Variants in DNMT1 observed in about 807,000 individuals in gnomAD.
DNMT1 encodes DNA (cytosine-5)-methyltransferase 1.
Under a neutral mutation model 205.3 loss-of-function variants are expected in DNMT1, and 24 were observed. The ratio of observed to expected loss-of-function variants is 0.12; its 90% confidence interval spans 0.08 to 0.16. The LOEUF is 0.16. Among genes scored for constraint, DNMT1 ranks in the 10% least tolerant of loss-of-function variants. The pLI is 1.00. For synonymous variants in DNMT1, 817 were observed against 839.8 expected (o/e 0.97, Z 0.47); for missense variants, 1,293 against 2,177.7 (o/e 0.59, Z 8.09).
In DNMT1 at chr19:10,186,308, G is replaced by A. The variant is rs2039179091; in HGVS notation, c.81-4231C>T. ...AACCTGCCTGGCCCCAGAGTGGCAG[G>A]TGGGATCCCAGGCAGGCAGTGAGGA... On this transcript the variant is annotated intron_variant, in intron 1 of 40. Coordinates refer to ENST00000359526, the MANE Select transcript of DNMT1 (RefSeq NM_001130823.3). 2.6e-5 allele frequency among the ~76,000 whole-genome samples: 4 copies of A among 152,166 alleles called. No individual in the cohort carries two copies. In the South Asian group the frequency reaches 8.3e-4, roughly 31 times the overall value.
At chr19:10,155,399 G>A (rs1056261691) in intron 19 of DNMT1, among the ~76,000 whole-genome samples, 1 of 151,814 alleles carries the variant, frequency 6.6e-6, no homozygotes, top group Non-Finnish European at 1.5e-5. Context: ...GGGCAGTGGC[G>A]TGATCTCGGC....
intron 1 of DNMT1, among the ~76,000 whole-genome samples, chr19:10,185,870 T>C (rs984446723): frequency 9.3e-5 from 14 of 151,040 alleles, no homozygotes; most frequent in Non-Finnish European, 1.8e-4. Context: ...AAAGATGCTT[T>C]GACATCAGGA....
At chr19:10,160,191 C>G in intron 14 of DNMT1, 128 bp from the exon 15 acceptor site, 1 of 1,562,056 alleles carries the variant, frequency 6.4e-7, no homozygotes, top group East Asian at 2.3e-5. Context: ...CAGTGAGGCC[C>G]AGGCGCGTGG....
intron 29 of DNMT1, 139 bp from the exon 30 acceptor site, chr19:10,142,359 CCT>C (rs772646020): frequency 7.7e-5 from 92 of 1,192,938 alleles, no homozygotes; most frequent in Non-Finnish European, 1.0e-4. Context: ...GTAAAGACCC[CCT>C]CAGTTAGGGA....
At chr19:10,141,065 C>G in intron 31 of DNMT1, 40 bp downstream of exon 31, 2 of 1,612,382 alleles carry the variant, frequency 1.2e-6, no homozygotes, top group South Asian at 2.2e-5. Flanking sequence ...CTCCAAGTTA[C>G]AGAAGAATAA....
At chr19:10,188,532 T>G (rs2039238515) in intron 1 of DNMT1, among the ~76,000 whole-genome samples, 1 of 152,146 alleles carries the variant, frequency 6.6e-6, no homozygotes, top group African/African-American at 2.4e-5. Flanking sequence ...AGAGCGAGAC[T>G]CCATCTCAAA....
chr19:10,170,537 G>C (rs2038795172), intron 9 of DNMT1, among the ~76,000 whole-genome samples: 1 of 152,082 alleles, frequency 6.6e-6, no homozygotes, highest in Non-Finnish European at 1.5e-5. Flanking sequence ...CCAGCTACTC[G>C]GGAGGCTAAG....
intron 11 of DNMT1, among the ~76,000 whole-genome samples, chr19:10,164,616 A>AAAACAAAC (rs373485784): frequency 1.3e-5 from 2 of 151,700 alleles, no homozygotes; most frequent in African/African-American, 4.8e-5. Flanking sequence ...TCCTGTCTCA[A>AAAACAAAC]AAACAAACAA....
At chr19:10,172,590 G>A (rs1020447957) in intron 9 of DNMT1, among the ~76,000 whole-genome samples, 1 of 151,928 alleles carries the variant, frequency 6.6e-6, no homozygotes, top group Non-Finnish European at 1.5e-5. Flanking sequence ...TTTGGTGGCT[G>A]AGGCAGGTGG....
Position 10,140,436 on chromosome 19 carries a change from C to G in DNMT1, c.3524-108G>C. 1 of 1,463,612 alleles carries G rather than the reference C, an allele frequency of 6.8e-7. No homozygotes were observed. The highest frequency in any genetic ancestry group is 9.2e-7 in the Non-Finnish European group (1 of 1,083,420). 90.7% of individuals were successfully genotyped at this position (1,463,612 alleles called of 1,614,324 possible). ...CCAGGCTGGAGTGCAGTGGTGTGAT[C>G]TTGGCTCACTGCAAGCTCTGCCTCC... is the stretch of plus-strand genomic sequence containing the variant. On this transcript the variant is annotated intron_variant, in intron 32 of 40. Transcript: ENST00000359526. This position sits in a 1 kb window ranked among gnomAD's most constrained non-coding sequence, Gnocchi z 8.4.
At position 10,149,919 on chromosome 19, in the gene DNMT1, G is replaced by A. The variant is rs142562681; in HGVS notation, c.2315C>T (p.Thr772Ile). ...YYKKVCIDAETLEVGDCVSVI... is the reference protein window; with the variant it reads ...YYKKVCIDAEILEVGDCVSVI... ...AGAGACACAGTCCCCCACTTCCAGG[G>A]TTTCCGCATCAATGCACACCTTCTT... is the stretch of plus-strand genomic sequence containing the variant. Residue 772 changes from threonine to isoleucine, a missense_variant, in exon 25 of 41, where the codon ACC (threonine) becomes ATC (isoleucine). By Grantham distance (89) the Thr-to-Ile change is moderately conservative. Coordinates refer to ENST00000359526, the MANE Select transcript of DNMT1 (RefSeq NM_001130823.3). The A allele has an allele frequency of 1.9e-6, 3 of 1,614,074 alleles. No individual in the cohort carries two copies. Among genetic ancestry groups the A allele is most frequent in the Admixed American group, 1.7e-5 (1 of 59,992 alleles).
At chr19:10,141,920 CA>C in intron 30 of DNMT1, 107 bp downstream of exon 30, 1 of 1,387,334 alleles carries the variant, frequency 7.2e-7, no homozygotes, top group South Asian at 1.4e-5. Flanking sequence ...CCACTTCTTA[CA>C]AAAGCTGAAA....
In DNMT1 at chr19:10,151,353, A is replaced by G. The variant is rs754534256; in HGVS notation, c.2265+45T>C. 1 of 1,606,736 alleles carries G rather than the reference A, an allele frequency of 6.2e-7. No homozygotes were observed. Among genetic ancestry groups the G allele is most frequent in the Non-Finnish European group, 8.5e-7 (1 of 1,179,956 alleles). Reference sequence around the variant, plus strand: ...CGAGATACTAGAGGGCAACCTGCTTATTGGGAACATGGCAGTGAGCTGACC... The same window carrying G: ...CGAGATACTAGAGGGCAACCTGCTTGTTGGGAACATGGCAGTGAGCTGACC... On this transcript the variant is annotated intron_variant, in intron 24 of 40. Coordinates refer to ENST00000359526, the MANE Select transcript of DNMT1 (RefSeq NM_001130823.3). The surrounding 1 kb of genome is among the most constrained non-coding windows in gnomAD (Gnocchi z 5.0).
intron 6 of DNMT1, among the ~76,000 whole-genome samples, chr19:10,176,731 G>A (rs929610320): frequency 1.3e-5 from 2 of 151,848 alleles, no homozygotes; most frequent in Non-Finnish European, 2.9e-5. Context: ...GGCGGCGCGC[G>A]CCTGTAATCC....
Position 10,137,514 on chromosome 19 carries a change from G to A in DNMT1, c.4294-234C>T. 1 of 641,516 alleles carries A rather than the reference G, an allele frequency of 1.6e-6. No homozygotes were observed. Among genetic ancestry groups the A allele is most frequent in the Admixed American group, 2.8e-5 (1 of 35,902 alleles). 39.7% of individuals were successfully genotyped at this position (641,516 alleles called of 1,614,324 possible). A position where few individuals can be genotyped will look rare whatever the true frequency, so the allele number is the denominator to read the frequency against. ...AGCTGAGCCTTTAGGGTGGGGGAAG[G>A]GGAGTGGTGCCAGGGGATGGTGAAA... On this transcript the variant is annotated intron_variant, in intron 36 of 40. Transcript: ENST00000359526. This position sits in a 1 kb window ranked among gnomAD's most constrained non-coding sequence, Gnocchi z 6.4.
Position 10,138,590 on chromosome 19 carries a change from C to T in DNMT1, c.3964G>A (p.Val1322Met). 1.2e-6 allele frequency: 2 copies of T among 1,605,556 alleles called. No individual in the cohort carries two copies. Among genetic ancestry groups the T allele is most frequent in the Non-Finnish European group, 8.5e-7 (1 of 1,179,944 alleles). ...ATGGCCCGCCTCCTAGTCTGGGCCACGCCGTACTGACCGGCCTGTGGGGGA... is the reference window on the plus strand; with the variant it reads ...ATGGCCCGCCTCCTAGTCTGGGCCATGCCGTACTGACCGGCCTGTGGGGGA... ...FGVLQAGQYG[V>M]AQTRRRAIIL... Residue 1322 changes from valine to methionine, a missense_variant, in exon 35 of 41, where the codon GTG (valine) becomes ATG (methionine). Physicochemically the swap from Val to Met is conservative, Grantham distance 21. This residue lies in a region of DNMT1 where 38 missense variants were observed against 141.1 expected (regional missense o/e 0.27). Coordinates refer to ENST00000359526, the MANE Select transcript of DNMT1 (RefSeq NM_001130823.3). The surrounding 1 kb of genome is among the most constrained non-coding windows in gnomAD (Gnocchi z 4.1).
Position 10,154,222 on chromosome 19 carries a change from G to A in DNMT1, c.2019+71C>T, listed in dbSNP as rs1054828824. 12 of 1,474,094 alleles carry A rather than the reference G, an allele frequency of 8.1e-6. No individual in the cohort carries two copies. The South Asian group carries it at 1.0e-4, about 13-fold the overall frequency. 91.3% of individuals were successfully genotyped at this position (1,474,094 alleles called of 1,614,324 possible). On this transcript the variant is annotated intron_variant, in intron 22 of 40. Coordinates refer to ENST00000359526, the MANE Select transcript of DNMT1 (RefSeq NM_001130823.3). The surrounding 1 kb of genome is among the most constrained non-coding windows in gnomAD (Gnocchi z 6.3). Reference sequence around the variant, plus strand: ...AGTCTCAAGCCACAGAGAGAAAGATGGAGCAGTCCTCAGATCAGGCCAGAG... The same window carrying A: ...AGTCTCAAGCCACAGAGAGAAAGATAGAGCAGTCCTCAGATCAGGCCAGAG...
At position 10,138,319 on chromosome 19, in the gene DNMT1, T is replaced by C; in HGVS notation, c.4115+120A>G. The C allele has an allele frequency of 2.7e-6, 4 of 1,487,092 alleles. No individual in the cohort carries two copies. In the Admixed American group the frequency reaches 7.1e-5, roughly 27 times the overall value. 92.1% of individuals were successfully genotyped at this position (1,487,092 alleles called of 1,614,324 possible). On this transcript the variant is annotated intron_variant, in intron 35 of 40. Transcript: ENST00000359526. This position sits in a 1 kb window ranked among gnomAD's most constrained non-coding sequence, Gnocchi z 4.1. ...GAGTGCCATGTGGCAGAGCACCGTG[T>C]GGCAGGGCAGATGCTGTACCATCCT...
chr19:10,171,325 G>A lies in DNMT1; in HGVS notation c.768+1765C>T, dbSNP rs200174620. 8.5e-5 allele frequency among the ~76,000 whole-genome samples: 13 copies of A among 152,210 alleles called. No homozygotes were observed. In the East Asian group the frequency reaches 1.7e-3, roughly 20 times the overall value. On this transcript the variant is annotated intron_variant, in intron 9 of 40. Transcript: ENST00000359526. Reference sequence around the variant, plus strand: ...AAAATTAGATCTTCACCAAGATCTCGTCAGCCAGAGAAGGTGGCTGAGGTG... The same window carrying A: ...AAAATTAGATCTTCACCAAGATCTCATCAGCCAGAGAAGGTGGCTGAGGTG...
Sources: allele counts gnomAD v4.1 joint callset (sites outside exome capture counted in the v4.1 genomes callset), GRCh38; gene constraint gnomAD v4.1.1; regional missense constraint gnomAD v4.1.1; non-coding constraint Gnocchi (gnomAD v3.1); transcripts MANE v1.5; gene names NCBI Gene and HGNC (gene_info 2026-07-23, HGNC 2026-07-21).